XIRP2: variants seen among roughly 807,000 people sequenced by gnomAD.
XIRP2 encodes the protein xin actin-binding repeat-containing protein 2.
Under a neutral mutation model 277.0 loss-of-function variants are expected in XIRP2, and 236 were observed. That is an observed-to-expected ratio of 0.85 (90% CI 0.77 to 0.95). The LOEUF (loss-of-function observed/expected upper bound fraction) is 0.95. XIRP2 is among the 40% of genes least tolerant of loss of function. The pLI, the probability that XIRP2 is intolerant of heterozygous loss-of-function variation, is 0.00. For synonymous variants in XIRP2, 1,490 were observed against 1,416.5 expected, an observed-to-expected ratio of 1.05 and a Z score of -1.17; for missense variants, 4,640 against 4,157.5, an observed-to-expected ratio of 1.12 and a Z score of -3.19.
chr2:167,084,618 A>G, intron 2 of XIRP2, among the ~76,000 whole-genome samples: 1 of 151,760 alleles, frequency 6.6e-6, no homozygotes, highest in East Asian at 1.9e-4. Context: ...ACAATTTCAG[A>G]TCCTGTTATT....
intron 2 of XIRP2, among the ~76,000 whole-genome samples, chr2:166,929,614 CTT>C (rs1244799725): frequency 6.6e-6 from 1 of 152,018 alleles, no homozygotes; most frequent in Non-Finnish European, 1.5e-5. Context: ...TTTATGGCCA[CTT>C]ATTTCTTAAA....
chr2:166,895,197 T>C (rs1684210584), intron 1 of XIRP2, among the ~76,000 whole-genome samples: 1 of 152,150 alleles, frequency 6.6e-6, no homozygotes, highest in African/African-American at 2.4e-5. Context: ...GCAAAACATT[T>C]TACGTGCCAT....
At chr2:166,897,173 G>A (rs1684266784) in intron 1 of XIRP2, among the ~76,000 whole-genome samples, 1 of 152,172 alleles carries the variant, frequency 6.6e-6, no homozygotes, top group East Asian at 1.9e-4. Context: ...TTTAATAAGG[G>A]TGTGCATGTT....
chr2:167,000,274 C>A (rs922866044), intron 2 of XIRP2, among the ~76,000 whole-genome samples: 1 of 152,070 alleles, frequency 6.6e-6, no homozygotes, highest in Non-Finnish European at 1.5e-5. Context: ...GATTGAAGAT[C>A]CAAAAAGGCC....
chr2:167,007,361 T>C (rs1687530644), intron 2 of XIRP2, among the ~76,000 whole-genome samples: 1 of 151,684 alleles, frequency 6.6e-6, no homozygotes, highest in African/African-American at 2.4e-5. Context: ...AATTATTCTT[T>C]GTATATAACA....
At chr2:167,108,329 T>C (rs1415258673) in intron 2 of XIRP2, among the ~76,000 whole-genome samples, 2 of 152,018 alleles carry the variant, frequency 1.3e-5, no homozygotes, top group Non-Finnish European at 2.9e-5. Flanking sequence ...TTTTAATTTC[T>C]TAATGTCTTG....
At chr2:166,946,111 G>A (rs1289579852) in intron 2 of XIRP2, among the ~76,000 whole-genome samples, 1 of 152,096 alleles carries the variant, frequency 6.6e-6, no homozygotes, top group African/African-American at 2.4e-5. Context: ...TTCATCCTGT[G>A]TTTGCTCACA....
intron 2 of XIRP2, among the ~76,000 whole-genome samples, chr2:167,070,904 T>A (rs1237095862): frequency 6.6e-6 from 1 of 152,152 alleles, no homozygotes; most frequent in Non-Finnish European, 1.5e-5. Flanking sequence ...TTCTTGAGAG[T>A]TTATCTGTTG....
intron 2 of XIRP2, among the ~76,000 whole-genome samples, chr2:167,114,748 A>G (rs1171812521): frequency 6.6e-6 from 1 of 152,112 alleles, no homozygotes; most frequent in Admixed American, 6.5e-5. Context: ...TTCCACTCTC[A>G]TCCATGTCCC....
At position 167,249,980 on chromosome 2, in the gene XIRP2, A is replaced by G. The variant is rs1378366059; in HGVS notation, c.8588A>G (p.Asp2863Gly). 1.2e-6 allele frequency: 2 copies of G among 1,613,560 alleles called. No homozygotes were observed. Among genetic ancestry groups the G allele is most frequent in the African/African-American group, 2.7e-5 (2 of 74,874 alleles). Reference sequence around the variant, plus strand: ...CAAAAGGTTATCGATGCACATCTTGATTCACAGACTCAGAATTTTCAGCAA... The same window carrying G: ...CAAAAGGTTATCGATGCACATCTTGGTTCACAGACTCAGAATTTTCAGCAA... The part of the protein sequence containing the change: ...VKQKVIDAHL[D>G]SQTQNFQQTQ... The change falls in exon 9 of 11, where the codon GAT (aspartate) becomes GGT (glycine). Residue 2863 changes from aspartate (D) to glycine (G), a missense_variant. Transcript: ENST00000409195.
At chr2:166,897,625 C>T (rs1684276987) in intron 1 of XIRP2, among the ~76,000 whole-genome samples, 1 of 152,086 alleles carries the variant, frequency 6.6e-6, no homozygotes, top group South Asian at 2.1e-4. Flanking sequence ...AATTCACTAG[C>T]CTCAGGCTGA....
intron 5 of XIRP2, among the ~76,000 whole-genome samples, chr2:167,235,121 T>C (rs1269912755): frequency 3.9e-5 from 6 of 151,926 alleles, no homozygotes; most frequent in African/African-American, 1.2e-4. Flanking sequence ...CATGGATATA[T>C]TGCATAATGG....
intron 2 of XIRP2, among the ~76,000 whole-genome samples, chr2:167,109,763 G>A (rs370132047): frequency 3.9e-5 from 6 of 152,008 alleles, no homozygotes; most frequent in Non-Finnish European, 8.8e-5. Flanking sequence ...GCTTTCTACA[G>A]TGGTTGAGCT....
intron 2 of XIRP2, among the ~76,000 whole-genome samples, chr2:166,937,929 A>G (rs1685567625): frequency 6.6e-6 from 1 of 152,000 alleles, no homozygotes; most frequent in Non-Finnish European, 1.5e-5. Context: ...TTTCTGTGGG[A>G]TCGGTGGTGA....
chr2:166,980,819 T>A (rs1483067104), intron 2 of XIRP2, among the ~76,000 whole-genome samples: 3 of 152,208 alleles, frequency 2.0e-5, no homozygotes, highest in Admixed American at 6.5e-5. Context: ...TCATTTTTTT[T>A]TCTTTTTCCT....
At chr2:167,217,228 A>G (rs1165658540) in intron 4 of XIRP2, among the ~76,000 whole-genome samples, 1 of 150,958 alleles carries the variant, frequency 6.6e-6, no homozygotes, top group Admixed American at 6.6e-5. Context: ...GCACATGTAT[A>G]CATATGTAAC....
intron 3 of XIRP2, among the ~76,000 whole-genome samples, chr2:167,208,682 T>A (rs952797772): frequency 7.2e-5 from 11 of 152,108 alleles, no homozygotes; most frequent in African/African-American, 1.9e-4. Context: ...CAAATAATAT[T>A]GGGCATTTTG....
intron 2 of XIRP2, among the ~76,000 whole-genome samples, chr2:167,085,875 A>G (rs2105268227): frequency 6.6e-6 from 1 of 152,290 alleles, no homozygotes; most frequent in Admixed American, 6.5e-5. Flanking sequence ...CAGCACACTG[A>G]AGGGTCTTGA....
intron 2 of XIRP2, among the ~76,000 whole-genome samples, chr2:166,985,172 T>A (rs1228724241): frequency 6.6e-6 from 1 of 152,142 alleles, no homozygotes; most frequent in Non-Finnish European, 1.5e-5. Context: ...TTTTTCCCCT[T>A]TGTCATCATT....
Sources: gnomAD v4.1 joint callset for allele counts (sites outside exome capture counted in the v4.1 genomes callset) on GRCh38, gnomAD v4.1.1 for gene constraint, MANE v1.5 for transcripts, NCBI Gene and HGNC (gene_info 2026-07-23, HGNC 2026-07-21) for gene names.